The following RORB variants were observed in gnomAD, a reference collection of about 807,000 sequenced individuals.
RORB encodes the protein RAR related orphan receptor B.
In RORB, 6 loss-of-function variants were observed where a neutral mutation model predicts 59.1. The observed-to-expected ratio is 0.10, with a 90% confidence interval of 0.06 to 0.20. The LOEUF (loss-of-function observed/expected upper bound fraction) is 0.20. Among genes scored for constraint, RORB ranks in the 10% least tolerant of loss-of-function variants. The pLI, the probability that RORB is intolerant of heterozygous loss-of-function variation, is 1.00. For synonymous variants in RORB, 215 were observed against 204.5 expected (o/e 1.05, Z -0.44); for missense variants, 320 against 560.5 (o/e 0.57, Z 4.33).
At chr9:74,573,164 G>GACCTC (rs768328971) in intron 1 of RORB, among the ~76,000 whole-genome samples, 33 of 151,946 alleles carry the variant, frequency 2.2e-4, no homozygotes, top group Admixed American at 4.6e-4. Context: ...TAACTCCATG[G>GACCTC]ACCTCACTTT....
At chr9:74,527,228 TGAG>T (rs910487573) in intron 1 of RORB, among the ~76,000 whole-genome samples, 2 of 151,944 alleles carry the variant, frequency 1.3e-5, no homozygotes, top group African/African-American at 4.8e-5. Flanking sequence ...AGATAGGATG[TGAG>T]GAGTAGGTTT....
At chr9:74,535,915 G>A (rs945699167) in intron 1 of RORB, among the ~76,000 whole-genome samples, 2 of 151,930 alleles carry the variant, frequency 1.3e-5, no homozygotes, top group African/African-American at 2.4e-5. Flanking sequence ...GGTTGTTGTT[G>A]TTGTTGATTA....
intron 4 of RORB, among the ~76,000 whole-genome samples, chr9:74,656,873 C>T (rs1824091489): frequency 6.6e-6 from 1 of 152,174 alleles, no homozygotes; most frequent in Non-Finnish European, 1.5e-5. Context: ...AATTCCTTGA[C>T]CTGTTTACTC....
intron 1 of RORB, among the ~76,000 whole-genome samples, chr9:74,592,444 A>G (rs1354709926): frequency 6.6e-6 from 1 of 152,232 alleles, no homozygotes; most frequent in Non-Finnish European, 1.5e-5. Flanking sequence ...GAACTGGATA[A>G]TAAGAAAGAA....
intron 1 of RORB, among the ~76,000 whole-genome samples, chr9:74,542,672 G>T (rs1157552069): frequency 6.6e-6 from 1 of 152,158 alleles, no homozygotes; most frequent in Non-Finnish European, 1.5e-5. Context: ...TCCCTTTCCT[G>T]CTTATCCAAT....
chr9:74,522,841 C>A (rs1826102134), intron 1 of RORB, among the ~76,000 whole-genome samples: 1 of 151,756 alleles, frequency 6.6e-6, no homozygotes, highest in South Asian at 2.1e-4. Context: ...ATAGGGGCAT[C>A]ACTGCAAATC....
intron 1 of RORB, among the ~76,000 whole-genome samples, chr9:74,520,043 A>C (rs1216499729): frequency 6.6e-6 from 1 of 151,922 alleles, no homozygotes; most frequent in Non-Finnish European, 1.5e-5. Context: ...CACACAGCAC[A>C]TAGAGACTTA....
intron 1 of RORB, among the ~76,000 whole-genome samples, chr9:74,525,283 T>C (rs572062159): frequency 3.3e-5 from 5 of 152,078 alleles, no homozygotes; most frequent in Admixed American, 6.6e-5. Flanking sequence ...GGAGGTTATA[T>C]TGATTTTTCA....
intron 1 of RORB, among the ~76,000 whole-genome samples, chr9:74,532,319 C>G (rs890041921): frequency 6.6e-6 from 1 of 151,888 alleles, no homozygotes; most frequent in African/African-American, 2.4e-5. Flanking sequence ...GTGATCAGTT[C>G]TGATATCCAG....
At chr9:74,544,698 C>T (rs1032334555) in intron 1 of RORB, among the ~76,000 whole-genome samples, 11 of 152,182 alleles carry the variant, frequency 7.2e-5, no homozygotes, top group African/African-American at 2.4e-4. Context: ...CACGCTTGTC[C>T]TGGCAGAAAC....
chr9:74,602,897 T>C (rs1050239874), intron 1 of RORB, among the ~76,000 whole-genome samples: 6 of 152,188 alleles, frequency 3.9e-5, no homozygotes, highest in Admixed American at 1.3e-4. Context: ...AATGATAATG[T>C]TTATAATGCT....
intron 1 of RORB, among the ~76,000 whole-genome samples, chr9:74,549,990 A>T (rs1826582088): frequency 1.3e-5 from 2 of 152,078 alleles, no homozygotes; most frequent in South Asian, 4.1e-4. Flanking sequence ...TCAGCCTCCC[A>T]AAGTAGGATT....
intron 1 of RORB, among the ~76,000 whole-genome samples, chr9:74,596,034 G>A (rs1177910069): frequency 2.0e-5 from 3 of 152,132 alleles, no homozygotes; most frequent in Non-Finnish European, 4.4e-5. Flanking sequence ...TTTAAGTAAG[G>A]CATGATGACC....
chr9:74,572,055 C>T (rs1822561660), intron 1 of RORB, among the ~76,000 whole-genome samples: 1 of 152,094 alleles, frequency 6.6e-6, no homozygotes, highest in Non-Finnish European at 1.5e-5. Context: ...TAACATAGCA[C>T]CACCTGAGAT....
chr9:74,609,366 G>A (rs1823199162), intron 1 of RORB, among the ~76,000 whole-genome samples: 1 of 151,990 alleles, frequency 6.6e-6, no homozygotes, highest in South Asian at 2.1e-4. Context: ...ACCAACTGTT[G>A]ACCCTAGGAG....
At chr9:74,631,050 A>G (rs1401021511) in intron 2 of RORB, among the ~76,000 whole-genome samples, 1 of 152,222 alleles carries the variant, frequency 6.6e-6, no homozygotes, top group Admixed American at 6.5e-5. Context: ...GTCTCAATCC[A>G]GTGTTCCACT....
chr9:74,581,963 C>A (rs1041634162), intron 1 of RORB, among the ~76,000 whole-genome samples: 1 of 152,148 alleles, frequency 6.6e-6, no homozygotes, highest in Non-Finnish European at 1.5e-5. Flanking sequence ...AAAGTCTATA[C>A]TCATGAAGTG....
At position 74,499,708 on chromosome 9, in the gene RORB, T is replaced by C. The variant is rs75518749; in HGVS notation, c.7+1725T>C. On this transcript the variant is annotated intron_variant, in intron 1 of 9. Transcript: ENST00000376896. ...GCTTAGTAAGAGACGCCCGGTCTTTTGTTTTTCTTTTTCTAGCCCATCTCA... is the reference window on the plus strand; with the variant it reads ...GCTTAGTAAGAGACGCCCGGTCTTTCGTTTTTCTTTTTCTAGCCCATCTCA... Among the ~76,000 whole-genome samples the C allele has an allele frequency of 2.0e-4, 31 of 152,284 alleles. No individual in the cohort carries two copies. In the East Asian group the frequency reaches 5.4e-3, roughly 27 times the overall value.
intron 4 of RORB, among the ~76,000 whole-genome samples, chr9:74,654,610 A>G (rs1475589205): frequency 1.3e-5 from 2 of 152,220 alleles, no homozygotes; most frequent in Non-Finnish European, 2.9e-5. Flanking sequence ...ACAATATTTT[A>G]AAATATTTTT....
Sources: allele counts gnomAD v4.1 joint callset (sites outside exome capture counted in the v4.1 genomes callset), GRCh38; gene constraint gnomAD v4.1.1; transcripts MANE v1.5; gene names NCBI Gene and HGNC (gene_info 2026-07-23, HGNC 2026-07-21).